Variants in AK6 observed in about 807,000 individuals in gnomAD.
The protein encoded by AK6 is adenylate kinase isoenzyme 6.
In AK6, 24 loss-of-function variants were observed where a neutral mutation model predicts 23.7. The observed-to-expected ratio is 1.01, with a 90% CI of 0.73 to 1.43. The LOEUF is 1.43. Among genes scored for constraint, AK6 ranks in the 40% most tolerant of loss-of-function variants. The probability of loss-of-function intolerance (pLI) is 0.00; values close to 1 mark genes in which losing one functional copy is unlikely to be tolerated. For synonymous variants in AK6, 73 were observed against 69.8 expected, an observed-to-expected ratio of 1.05 and a Z score of -0.23; for missense variants, 191 against 199.1, an observed-to-expected ratio of 0.96 and a Z score of 0.24.
chr5:69,360,469 T>TG (rs564964088), intron 2 of AK6, among the ~76,000 whole-genome samples: 138 of 152,318 alleles, frequency 9.1e-4, no homozygotes, highest in African/African-American at 2.9e-3. Context: ...TGTAAACATC[T>TG]GGGAACTATC....
intron 2 of AK6, among the ~76,000 whole-genome samples, chr5:69,356,685 C>T (rs372899036): frequency 6.6e-6 from 1 of 151,970 alleles, no homozygotes; most frequent in Non-Finnish European, 1.5e-5. Flanking sequence ...ATAACAGATT[C>T]TTTATTCCAG....
intron 1 of AK6, chr5:69,369,239 C>G (rs1313952451): frequency 4.7e-6 from 1 of 212,864 alleles, no homozygotes; most frequent in Non-Finnish European, 9.1e-6. Flanking sequence ...CCCCCCCGCC[C>G]CCCCCCGGAG....
chr5:69,351,546 A>ACAT lies in AK6; in HGVS notation c.*512_*514dup, dbSNP rs1178453411. ...GTGCAGGCATAAAACCTCTAAAAAG[A>ACAT]CATATAGGAAACCAGTAACATTATT... On this transcript the variant is annotated 3_prime_UTR_variant, in exon 5 of 5. Coordinates refer to ENST00000380822, the MANE Select transcript of AK6 (RefSeq NM_016283.5). 1 of 152,482 alleles carries ACAT rather than the reference A, an allele frequency of 6.6e-6. No individual in the cohort carries two copies. Among genetic ancestry groups the ACAT allele is most frequent in the South Asian group, 2.1e-4 (1 of 4,836 alleles). 9.4% of individuals were successfully genotyped at this position (152,482 alleles called of 1,614,324 possible).
At chr5:69,361,094 G>A (rs995041231) in intron 2 of AK6, among the ~76,000 whole-genome samples, 10 of 152,310 alleles carry the variant, frequency 6.6e-5, no homozygotes, top group Non-Finnish European at 1.3e-4. Context: ...TATCAAGTGA[G>A]GAGGAGTCTT....
At chr5:69,364,209 T>TAA (rs922839183) in intron 2 of AK6, among the ~76,000 whole-genome samples, 7 of 150,320 alleles carry the variant, frequency 4.7e-5, no homozygotes, top group Non-Finnish European at 7.4e-5. Flanking sequence ...TATTTTAAAT[T>TAA]AAAAAAAATA....
At chr5:69,362,758 C>CA (rs1050701498) in intron 2 of AK6, among the ~76,000 whole-genome samples, 1 of 150,876 alleles carries the variant, frequency 6.6e-6, no homozygotes, top group Non-Finnish European at 1.5e-5. Flanking sequence ...AACAAACAAA[C>CA]AAAAAAACCC....
chr5:69,369,610 G>A (rs370324042), upstream of AK6: 4 of 1,579,460 alleles, frequency 2.5e-6, no homozygotes, highest in Non-Finnish European at 3.4e-6. Flanking sequence ...AGCCCACCGC[G>A]GCGCCCCTAG....
chr5:69,354,886 T>TG (rs1272729032), intron 4 of AK6, among the ~76,000 whole-genome samples: 1 of 152,142 alleles, frequency 6.6e-6, no homozygotes, highest in African/African-American at 2.4e-5. Context: ...AGTGCAGTGG[T>TG]GTGATCTCAG....
At position 69,355,936 on chromosome 5, in the gene AK6, A is replaced by T. The variant is rs760089780; in HGVS notation, c.139T>A (p.Tyr47Asn). The change falls in exon 3 of 5, where the codon TAT becomes AAT. Residue 47 changes from tyrosine to asparagine, a missense_variant. Coordinates refer to ENST00000380822, the MANE Select transcript of AK6 (RefSeq NM_016283.5). ...ATGGGACAGTCATACTCTTCATCAT[A>T]GCCATCATACAATTGCTCTAAAAGA... ...LAREEQLYDG[Y>N]DEEYDCPILD... 6.2e-7 allele frequency: 1 copy of T among 1,607,610 alleles called. No individual in the cohort carries two copies. The highest frequency in any genetic ancestry group is 8.5e-7 in the Non-Finnish European group (1 of 1,178,274).
Position 69,369,074 on chromosome 5 carries a change from C to A in AK6, c.28+389G>T, listed in dbSNP as rs544422947. 4 of 295,174 alleles carry A rather than the reference C, an allele frequency of 1.4e-5. No homozygotes were observed. The Admixed American group carries it at 2.2e-4, about 16-fold the overall frequency. The allele number at this position is 295,174 out of a possible 1,614,324, so 18.3% of individuals were successfully genotyped here. On this transcript the variant is annotated intron_variant, in intron 1 of 4. Coordinates refer to ENST00000380822, the MANE Select transcript of AK6 (RefSeq NM_016283.5). ...AGGCATCCACCATTAATGACTCTAC[C>A]GGGAAGCAGATATGGCCTTACGTTA...
chr5:69,365,411 T>C (rs1394219364), intron 2 of AK6: 2 of 1,614,228 alleles, frequency 1.2e-6, no homozygotes, highest in Non-Finnish European at 1.7e-6. Context: ...GACCTGAATA[T>C]GGCTTGATCA....
At chr5:69,355,317 G>A (rs1464721146) in intron 4 of AK6, among the ~76,000 whole-genome samples, 1 of 152,042 alleles carries the variant, frequency 6.6e-6, no homozygotes, top group Admixed American at 6.6e-5. Context: ...GCAGATTGCT[G>A]GAGCCCAAGA....
chr5:69,355,134 A>C (rs1156636408), intron 4 of AK6, among the ~76,000 whole-genome samples: 1 of 152,126 alleles, frequency 6.6e-6, no homozygotes, highest in Non-Finnish European at 1.5e-5. Context: ...CGGCCGACTA[A>C]ATTGGGTTTC....
chr5:69,362,993 G>T (rs967947080), intron 2 of AK6, among the ~76,000 whole-genome samples: 2 of 152,118 alleles, frequency 1.3e-5, no homozygotes, highest in Non-Finnish European at 2.9e-5. Context: ...ACTTTGGGAG[G>T]CTAAGGCAGA....
intron 2 of AK6, among the ~76,000 whole-genome samples, chr5:69,362,182 A>G (rs1026896781): frequency 3.3e-5 from 5 of 152,100 alleles, no homozygotes; most frequent in African/African-American, 1.2e-4. Flanking sequence ...CCTTATTACT[A>G]ATGACATTTT....
rs749277789 is a variant in AK6, at chr5:69,355,878, G to T, written c.180+17C>A. 2.1e-5 allele frequency: 34 copies of T among 1,603,470 alleles called. No individual in the cohort carries two copies. In the East Asian group the frequency reaches 4.7e-4, roughly 22 times the overall value. On this transcript the variant is annotated intron_variant, in intron 3 of 4. Coordinates refer to ENST00000380822, the MANE Select transcript of AK6 (RefSeq NM_016283.5). ...GAAATTCAACAAATGCATACTTTAT[G>T]AAAAAGTCATACTTACTCTGTCTTC...
chr5:69,367,205 T>A (rs1464267842), intron 1 of AK6, among the ~76,000 whole-genome samples: 1 of 152,030 alleles, frequency 6.6e-6, no homozygotes, highest in Admixed American at 6.5e-5. Flanking sequence ...ACCGGGGAAC[T>A]GCTGAGAATA....
chr5:69,355,388 C>T, intron 4 of AK6: 1 of 369,820 alleles, frequency 2.7e-6, no homozygotes, highest in Non-Finnish European at 4.8e-6. Flanking sequence ...AAAAAATTAG[C>T]CAGGCAAGGT....
At chr5:69,356,166 T>A (rs938479403) in intron 2 of AK6, among the ~76,000 whole-genome samples, 1 of 152,184 alleles carries the variant, frequency 6.6e-6, no homozygotes, top group African/African-American at 2.4e-5. Flanking sequence ...GAAACTTGGA[T>A]TGCAATATAT....
Sources: gnomAD v4.1 joint callset for allele counts (sites outside exome capture counted in the v4.1 genomes callset) on GRCh38, gnomAD v4.1.1 for gene constraint, MANE v1.5 for transcripts, NCBI Gene and HGNC (gene_info 2026-07-23, HGNC 2026-07-21) for gene names.